CDH3: variants seen among roughly 807,000 people sequenced by gnomAD.
The protein encoded by CDH3 is cadherin 3.
A neutral mutation model predicts 82.0 loss-of-function variants in CDH3; 54 were observed. That is an observed-to-expected ratio of 0.66 (90% CI 0.53 to 0.83). CDH3 has a LOEUF of 0.83. CDH3 is among the 40% of genes least tolerant of loss of function. CDH3 has a pLI of 0.00. For missense variants in CDH3, 1,054 were observed against 1,084.6 expected (o/e 0.97, Z 0.40); for synonymous variants, 446 against 437.9 (o/e 1.02, Z -0.23).
At chr16:68,674,684 A>G (rs1960981423) in intron 2 of CDH3, among the ~76,000 whole-genome samples, 1 of 152,086 alleles carries the variant, frequency 6.6e-6, no homozygotes, top group African/African-American at 2.4e-5. Context: ...GTAGTGAGTT[A>G]TGATTGCACT....
At chr16:68,714,680 C>T (rs1363757697) in intron 1 of CDH3, among the ~76,000 whole-genome samples, 1 of 152,150 alleles carries the variant, frequency 6.6e-6, no homozygotes, top group Non-Finnish European at 1.5e-5. Flanking sequence ...GCACTTTCAG[C>T]TACCAAATGT....
chr16:68,684,881 G>A, intron 10 of CDH3, 57 bp downstream of exon 10: 1 of 1,602,960 alleles, frequency 6.2e-7, no homozygotes, highest in Middle Eastern at 1.7e-4. Flanking sequence ...GTGGGTGGGT[G>A]ATCATGGCCA....
At position 68,684,680 on chromosome 16, in the gene CDH3, T is replaced by C. The variant is rs1195442132; in HGVS notation, c.1280T>C (p.Ile427Thr). The C allele has an allele frequency of 1.9e-6, 3 of 1,614,076 alleles. No individual in the cohort carries two copies. Among genetic ancestry groups the C allele is most frequent in the Non-Finnish European group, 2.5e-6 (3 of 1,180,036 alleles). Residue 427 changes from isoleucine (I) to threonine (T), a missense_variant, in exon 10 of 16, where the codon ATA becomes ACA. By Grantham distance (89) the Ile-to-Thr change is moderately conservative (BLOSUM62 -1). Coordinates refer to ENST00000264012, the MANE Select transcript of CDH3 (RefSeq NM_001793.6). ...AAGCTCCCAACCTCCACAGCCACCA[T>C]AGTGGTCCACGTGGAGGATGTGAAT... ...VLKLPTSTAT[I>T]VVHVEDVNEA...
intron 15 of CDH3, among the ~76,000 whole-genome samples, chr16:68,697,236 A>G (rs1961754539): frequency 6.6e-6 from 1 of 151,856 alleles, no homozygotes; most frequent in African/African-American, 2.4e-5. Context: ...AGGCAGGAGA[A>G]TCGCTTGAAC....
At chr16:68,685,907 T>G (rs533515504) in intron 11 of CDH3, among the ~76,000 whole-genome samples, 6 of 152,292 alleles carry the variant, frequency 3.9e-5, no homozygotes, top group African/African-American at 1.2e-4. Flanking sequence ...GACTCAGGCC[T>G]GTAATGCTAG....
rs1162877121 is a variant in CDH3, at chr16:68,694,312, CAA to C, written c.2003-921_2003-920del. 2.9e-3 allele frequency among the ~76,000 whole-genome samples: 213 copies of C among 74,678 alleles called. 1 individual carries two copies. In the East Asian group the frequency reaches 0.033, roughly 12 times the overall value. 49.0% of individuals were successfully genotyped at this position (74,678 alleles called of 152,430 possible). A position where few individuals can be genotyped will look rare whatever the true frequency, so the allele number is the denominator to read the frequency against. Reference sequence around the variant, plus strand: ...TGGGCAACAGAGCGAGACTCCCTCTCAAAAAAAAAAAAAAAAAAAAAAATTCC... The same window carrying C: ...TGGGCAACAGAGCGAGACTCCCTCTCAAAAAAAAAAAAAAAAAAAAATTCC... On this transcript the variant is annotated intron_variant, in intron 13 of 15. Transcript: ENST00000264012.
intron 2 of CDH3, among the ~76,000 whole-genome samples, chr16:68,726,065 A>G (rs1962215972): frequency 6.6e-6 from 1 of 152,128 alleles, no homozygotes; most frequent in Non-Finnish European, 1.5e-5. Context: ...AAAGAAAAAG[A>G]AAAAAGAAGG....
Position 68,698,818 on chromosome 16 carries a change from CT to C in CDH3, c.*420del. On this transcript the variant is annotated 3_prime_UTR_variant, in exon 16 of 16. Transcript: ENST00000264012. ...TATCTTCAAAACGTTAGAGAAAGTT[CT>C]TCAAAAGTGCAGCCCAGAGCTGCTG... 5.4e-6 allele frequency: 1 copy of C among 184,554 alleles called. No homozygotes were observed. Among genetic ancestry groups the C allele is most frequent in the Non-Finnish European group, 1.1e-5 (1 of 88,102 alleles). The allele number at this position is 184,554 out of a possible 1,614,324, so 11.4% of individuals were successfully genotyped here. A position where few individuals can be genotyped will look rare whatever the true frequency, so the allele number is the denominator to read the frequency against.
In CDH3 at chr16:68,691,709, G is replaced by T. The variant is rs752252704; in HGVS notation, c.1796-11G>T. On this transcript the variant is annotated splice_polypyrimidine_tract_variant and intron_variant, in intron 12 of 15. Transcript: ENST00000264012. ...GGTTCCCACAGCTAATCAATGATCT[G>T]TTCACTCCAGGTGACACAGTGGTCT... 6.5e-5 allele frequency: 105 copies of T among 1,608,950 alleles called. No homozygotes were observed. Among genetic ancestry groups the T allele is most frequent in the Non-Finnish European group, 8.3e-5 (98 of 1,175,488 alleles).
chr16:68,686,374 G>T, intron 11 of CDH3: 2 of 1,150,392 alleles, frequency 1.7e-6, no homozygotes, highest in Non-Finnish European at 2.6e-6. Flanking sequence ...GAGGTGGAGG[G>T]AGTCATGGCA....
At chr16:68,693,724 C>T (rs1193645153) in intron 13 of CDH3, among the ~76,000 whole-genome samples, 1 of 152,034 alleles carries the variant, frequency 6.6e-6, no homozygotes, top group African/African-American at 2.4e-5. Flanking sequence ...TTTGTCTGGC[C>T]AAGGACAGAC....
chr16:68,658,760 C>T (rs989220485), intron 2 of CDH3, among the ~76,000 whole-genome samples: 4 of 152,154 alleles, frequency 2.6e-5, no homozygotes, highest in Non-Finnish European at 4.4e-5. Context: ...GGTCTTTTTC[C>T]GCTTCCAGAA....
downstream of CDH3, among the ~76,000 whole-genome samples, chr16:68,731,489 CACATATATATAT>C (rs1567468022): frequency 2.6e-5 from 1 of 38,022 alleles, no homozygotes; most frequent in Non-Finnish European, 7.1e-5. Context: ...CACGTATATA[CACATATATATAT>C]ACACACACAC....
chr16:68,709,483 G>A (rs1962002118), intron 1 of CDH3, among the ~76,000 whole-genome samples: 1 of 152,114 alleles, frequency 6.6e-6, no homozygotes, highest in African/African-American at 2.4e-5. Context: ...CAGGGTTGCA[G>A]GGTCTCCCTC....
chr16:68,714,814 G>A (rs893425657), intron 1 of CDH3, among the ~76,000 whole-genome samples: 4 of 152,122 alleles, frequency 2.6e-5, no homozygotes, highest in Non-Finnish European at 5.9e-5. Flanking sequence ...GCCAGGACTA[G>A]CCTGGGTCAA....
At chr16:68,653,862 T>G (rs1960323166) in intron 2 of CDH3, among the ~76,000 whole-genome samples, 1 of 151,546 alleles carries the variant, frequency 6.6e-6, no homozygotes, top group African/African-American at 2.4e-5. Flanking sequence ...GCTAATTTTT[T>G]GTATTTTTAA....
At chr16:68,647,181 G>A (rs750956565) in intron 2 of CDH3, among the ~76,000 whole-genome samples, 5 of 152,060 alleles carry the variant, frequency 3.3e-5, no homozygotes, top group African/African-American at 4.8e-5. Flanking sequence ...TGTGAATTCG[G>A]GCAGGGCCCC....
chr16:68,645,930 C>T (rs1960046041), intron 2 of CDH3, 180 bp downstream of exon 2: 4 of 599,674 alleles, frequency 6.7e-6, no homozygotes, highest in South Asian at 4.0e-5. Flanking sequence ...GAAGGCTGGG[C>T]AGCAGAGCGC....
chr16:68,668,291 C>G (rs1344492301), intron 2 of CDH3, among the ~76,000 whole-genome samples: 5 of 152,092 alleles, frequency 3.3e-5, no homozygotes, highest in Admixed American at 3.3e-4. Flanking sequence ...CGTGATTTGG[C>G]CAAGATGTGT....
Sources: allele counts gnomAD v4.1 joint callset (sites outside exome capture counted in the v4.1 genomes callset), GRCh38; gene constraint gnomAD v4.1.1; transcripts MANE v1.5; gene names NCBI Gene and HGNC (gene_info 2026-07-23, HGNC 2026-07-21).